Variants in MGAM observed in about 807,000 individuals in gnomAD.
MGAM encodes alpha-1,4-glucosidase.
MGAM carries 253 observed loss-of-function variants against 358.8 expected under a neutral mutation model. That is an observed-to-expected ratio of 0.71 (90% CI 0.64 to 0.78). MGAM has a LOEUF of 0.78. Ranked by LOEUF, MGAM falls within the 30% of genes least tolerant of loss-of-function variation. MGAM has a pLI of 0.00. For synonymous variants in MGAM, 1,105 were observed against 1,227.1 expected (o/e 0.90, Z 2.08); for missense variants, 3,080 against 3,432.6 (o/e 0.90, Z 2.57).
At chr7:142,035,891 G>C (rs2129007608) in intron 16 of MGAM, among the ~76,000 whole-genome samples, 1 of 152,238 alleles carries the variant, frequency 6.6e-6, no homozygotes, top group Admixed American at 6.5e-5. Context: ...TATGTAAAGT[G>C]TATTACTTTT....
intron 21 of MGAM, among the ~76,000 whole-genome samples, chr7:142,043,685 C>T (rs1301600849): frequency 1.6e-5 from 2 of 126,970 alleles, no homozygotes; most frequent in African/African-American, 6.0e-5. Flanking sequence ...CATATACTAT[C>T]TAATATATAA....
Position 142,019,320 on chromosome 7 carries a change from G to A in MGAM, c.448+1G>A, listed in dbSNP as rs1806228816. ...GGCAACCTTGTCAACACAAATGCAG[G>A]TAAGCCAGAGTCTGCCATGATGCAG... On this transcript the variant is annotated splice_donor_variant, in intron 4 of 70. Transcript: ENST00000475668. LOFTEE classifies it high-confidence loss of function. The A allele has an allele frequency of 6.2e-7, 1 of 1,611,788 alleles. No individual in the cohort carries two copies. Among genetic ancestry groups the A allele is most frequent in the African/African-American group, 1.3e-5 (1 of 74,912 alleles).
At chr7:142,041,905 T>TTA (rs1554468767) in intron 21 of MGAM, among the ~76,000 whole-genome samples, 2 of 26,724 alleles carry the variant, frequency 7.5e-5, no homozygotes, top group African/African-American at 9.4e-5. Context: ...AATATATATA[T>TTA]TATATATATA....
chr7:142,036,736 G>T, intron 17 of MGAM, 87 bp from the exon 18 acceptor site: 1 of 1,395,170 alleles, frequency 7.2e-7, no homozygotes, highest in South Asian at 1.3e-5. Flanking sequence ...GGAAATTCTT[G>T]GTTGTAATGA....
chr7:142,083,234 T>G (rs1203244697), intron 52 of MGAM, 67 bp from the exon 53 acceptor site: 2 of 1,219,160 alleles, frequency 1.6e-6, no homozygotes, highest in Non-Finnish European at 2.3e-6. Flanking sequence ...AGAGAATGTG[T>G]GGATTTCAGG....
chr7:142,097,560 C>T lies in MGAM; in HGVS notation c.7693-33C>T, dbSNP rs530670237. On this transcript the variant is annotated intron_variant, in intron 65 of 70. Coordinates refer to ENST00000475668, the MANE Select transcript of MGAM (RefSeq NM_001365693.1). ...GGTTTCTCTGTCCTGGAAAATGGTG[C>T]CACTGCCACACCTTGTTTATGTTTC... 4.4e-6 allele frequency: 7 copies of T among 1,593,698 alleles called. No homozygotes were observed. The South Asian group carries it at 5.5e-5, about 13-fold the overall frequency.
chr7:142,104,829 T>C (rs1358743110), intron 70 of MGAM, among the ~76,000 whole-genome samples: 2 of 152,184 alleles, frequency 1.3e-5, no homozygotes, highest in African/African-American at 2.4e-5. Context: ...CTGACACTTA[T>C]CATCCCGATG....
At chr7:141,991,172 G>A (rs1022167477), upstream of MGAM, among the ~76,000 whole-genome samples, 1 of 152,328 alleles carries the variant, frequency 6.6e-6, no homozygotes, top group East Asian at 1.9e-4. Flanking sequence ...TTACCAGGAG[G>A]AAGTGAAATA....
In MGAM at chr7:142,036,691, C is replaced by T. The variant is rs528737704; in HGVS notation, c.2077-132C>T. ...AGAGACACTTGGTACTACTCAGAAG[C>T]GAGGTTTGCAACCTTGGCCTCTGTC... On this transcript the variant is annotated intron_variant, in intron 17 of 70. Transcript: ENST00000475668. The T allele has an allele frequency of 5.9e-5, 55 of 926,678 alleles. No homozygotes were observed. The African/African-American group carries it at 7.1e-4, about 12-fold the overall frequency. 57.4% of individuals were successfully genotyped at this position (926,678 alleles called of 1,614,324 possible).
chr7:142,028,702 A>G (rs139435063), intron 10 of MGAM, among the ~76,000 whole-genome samples: 229 of 152,332 alleles, frequency 1.5e-3, no homozygotes, highest in African/African-American at 5.4e-3. Flanking sequence ...ACGGAAAGAT[A>G]GTCCATAAAT....
rs749428982 is a variant in MGAM, at chr7:142,063,510, A to C, written c.4269A>C (p.Glu1423Asp). The C allele has an allele frequency of 4.2e-5, 67 of 1,613,594 alleles. 1 individual carries two copies. The highest frequency in any genetic ancestry group is 1.7e-4 in the Middle Eastern group (1 of 6,034). Reference sequence around the variant, plus strand: ...TTTGGCATTTCTAGGATATGAATGAACCATCAAGCTTCGTGAATGGGGCAG... The same window carrying C: ...TTTGGCATTTCTAGGATATGAATGACCCATCAAGCTTCGTGAATGGGGCAG... ...KFDGMWIDMN[E>D]PSSFVNGAVS... is the part of the protein sequence containing the mutation. The change falls in exon 36 of 71, where the codon GAA becomes GAC. Residue 1423 changes from glutamate to aspartate, a missense_variant. Physicochemically the swap from Glu to Asp is conservative, Grantham distance 45 (BLOSUM62 2). Around this residue, in one of 5 missense-constraint regions of MGAM, gnomAD observed 1,816 missense variants for 1,840.5 expected, o/e 0.99. Transcript: ENST00000475668.
chr7:142,065,939 A>T, intron 40 of MGAM, 108 bp downstream of exon 40: 2 of 957,408 alleles, frequency 2.1e-6, no homozygotes, highest in Non-Finnish European at 3.0e-6. Flanking sequence ...CTTTAAAAAA[A>T]GGTGTTTTTT....
intron 65 of MGAM, among the ~76,000 whole-genome samples, chr7:142,096,626 C>T (rs561669716): frequency 1.3e-5 from 2 of 152,288 alleles, no homozygotes; most frequent in African/African-American, 2.4e-5. Context: ...AATTCTGGTT[C>T]ATAGGATGAT....
chr7:142,044,152 A>G (rs1388278540), intron 21 of MGAM, among the ~76,000 whole-genome samples: 1 of 144,406 alleles, frequency 6.9e-6, no homozygotes, highest in East Asian at 2.0e-4. Context: ...ATATACACAT[A>G]CGACGTATAA....
intron 21 of MGAM, among the ~76,000 whole-genome samples, chr7:142,043,653 T>G (rs1480947421): frequency 7.4e-6 from 1 of 135,044 alleles, no homozygotes; most frequent in Non-Finnish European, 1.5e-5. Flanking sequence ...CTATCTAATA[T>G]ATAATACATA....
chr7:142,041,007 A>G (rs550675922), intron 21 of MGAM, among the ~76,000 whole-genome samples, 161 bp downstream of exon 21: 2 of 152,220 alleles, frequency 1.3e-5, no homozygotes, highest in East Asian at 3.9e-4. Flanking sequence ...GAGGCTTTTC[A>G]ATTCTGGGCA....
intron 70 of MGAM, among the ~76,000 whole-genome samples, chr7:142,105,349 G>A (rs1034630604): frequency 1.4e-4 from 21 of 151,236 alleles, no homozygotes; most frequent in Admixed American, 1.1e-3. Context: ...GTACACTGGT[G>A]CAATCTTAGC....
At chr7:142,068,141 C>A (rs188913095) in intron 42 of MGAM, among the ~76,000 whole-genome samples, 1,419 of 107,686 alleles carry the variant, frequency 0.013, 58 homozygotes, top group African/African-American at 0.038. Flanking sequence ...CATGTGCCAC[C>A]ATTCCCGGCT....
chr7:142,058,166 C>T (rs1437548140), intron 30 of MGAM, 37 bp from the exon 31 acceptor site: 2 of 1,613,124 alleles, frequency 1.2e-6, no homozygotes, highest in South Asian at 2.2e-5. Context: ...TGTGGTGCCT[C>T]TGTTCTGAAG....
Sources: gnomAD v4.1 joint callset for allele counts (sites outside exome capture counted in the v4.1 genomes callset) on GRCh38, gnomAD v4.1.1 for gene constraint, gnomAD v4.1.1 regional missense constraint, MANE v1.5 for transcripts, NCBI Gene and HGNC (gene_info 2026-07-23, HGNC 2026-07-21) for gene names.